DEUP1: variants seen among roughly 807,000 people sequenced by gnomAD.
DEUP1 encodes the protein coiled-coil domain containing 67.
A neutral mutation model predicts 87.4 loss-of-function variants in DEUP1; 82 were observed. That is an observed-to-expected ratio of 0.94 (90% confidence interval 0.78 to 1.13). The LOEUF is 1.13. Among genes scored for constraint, DEUP1 ranks in the 50% most tolerant of loss-of-function variants. The pLI, the probability that DEUP1 is intolerant of heterozygous loss-of-function variation, is 0.00. For synonymous variants in DEUP1, 214 were observed against 222.7 expected (o/e 0.96, Z 0.35); for missense variants, 663 against 681.5 (o/e 0.97, Z 0.30).
At chr11:93,365,623 T>G (rs1296156044) in intron 5 of DEUP1, among the ~76,000 whole-genome samples, 1 of 152,210 alleles carries the variant, frequency 6.6e-6, no homozygotes, top group Non-Finnish European at 1.5e-5. Flanking sequence ...ACTTTGTGTA[T>G]GCACATTTTA....
At chr11:93,408,627 G>A (rs191060976) in intron 12 of DEUP1, among the ~76,000 whole-genome samples, 200 bp downstream of exon 12, 2 of 152,262 alleles carry the variant, frequency 1.3e-5, no homozygotes, top group East Asian at 3.9e-4. Flanking sequence ...TGCGTGGAGT[G>A]TTACAGTGGA....
intron 5 of DEUP1, among the ~76,000 whole-genome samples, chr11:93,368,213 G>T (rs1314414754): frequency 6.6e-6 from 1 of 152,206 alleles, no homozygotes; most frequent in African/African-American, 2.4e-5. Context: ...ATGAGGCCTG[G>T]CCATGGCCAC....
At chr11:93,370,017 T>G (rs1565312882) in intron 5 of DEUP1, 56 bp from the exon 6 acceptor site, 1 of 846,206 alleles carries the variant, frequency 1.2e-6, no homozygotes, top group African/African-American at 1.7e-5. Flanking sequence ...CCTTATTTGC[T>G]GTACTTTAAA....
chr11:93,358,166 T>C (rs1435624501), intron 4 of DEUP1, among the ~76,000 whole-genome samples: 1 of 152,224 alleles, frequency 6.6e-6, no homozygotes, highest in Admixed American at 6.5e-5. Flanking sequence ...CTAAGTTGTA[T>C]TTAACCAGTT....
chr11:93,349,464 G>C (rs1180866099), intron 2 of DEUP1, among the ~76,000 whole-genome samples: 1 of 151,990 alleles, frequency 6.6e-6, no homozygotes, highest in Admixed American at 6.6e-5. Flanking sequence ...TCTCCATCTG[G>C]TTAAATAAAA....
chr11:93,337,128 T>C (rs12790059), intron 2 of DEUP1, among the ~76,000 whole-genome samples: 50,750 of 152,082 alleles, frequency 0.33, 8,889 homozygotes, highest in Non-Finnish European at 0.4. Context: ...AAAGTCATTA[T>C]TTTCAAAGAA....
intron 11 of DEUP1, among the ~76,000 whole-genome samples, chr11:93,407,892 C>T (rs3020076): frequency 0.8 from 120,802 of 150,608 alleles, 48,576 homozygotes; most frequent in East Asian, 0.89. Context: ...GCAATTACTT[C>T]TGCACCAACC....
intron 7 of DEUP1, among the ~76,000 whole-genome samples, chr11:93,375,366 T>C (rs927882547): frequency 6.6e-6 from 1 of 152,214 alleles, no homozygotes; most frequent in Non-Finnish European, 1.5e-5. Context: ...CCTTGTCTTC[T>C]TCCAGTTCTC....
chr11:93,417,717 C>T (rs1280956790), intron 13 of DEUP1, among the ~76,000 whole-genome samples: 3 of 146,282 alleles, frequency 2.1e-5, no homozygotes, highest in South Asian at 2.2e-4. Flanking sequence ...GAGCCCTCAT[C>T]GCCAAGTCAA....
At chr11:93,353,748 C>G (rs1233040843) in intron 2 of DEUP1, among the ~76,000 whole-genome samples, 1 of 152,234 alleles carries the variant, frequency 6.6e-6, no homozygotes, top group Non-Finnish European at 1.5e-5. Flanking sequence ...AGCCCAAGCT[C>G]TACATTGGCC....
intron 13 of DEUP1, among the ~76,000 whole-genome samples, chr11:93,419,060 A>C (rs1210572475): frequency 6.6e-6 from 1 of 151,498 alleles, no homozygotes; most frequent in African/African-American, 2.4e-5. Flanking sequence ...GAGGGATAGC[A>C]TTGGGAGATA....
At chr11:93,403,239 G>C (rs1947176786) in intron 11 of DEUP1, among the ~76,000 whole-genome samples, 1 of 151,798 alleles carries the variant, frequency 6.6e-6, no homozygotes, top group South Asian at 2.1e-4. Context: ...TATAAATTGA[G>C]AACTTTATGA....
intron 2 of DEUP1, chr11:93,352,200 C>A (rs995516640): frequency 7.1e-6 from 4 of 564,930 alleles, no homozygotes; most frequent in Non-Finnish European, 1.3e-5. Context: ...TCCCTCCTGT[C>A]CTCCTCCCAG....
intron 13 of DEUP1, among the ~76,000 whole-genome samples, chr11:93,432,765 G>C (rs1948142217): frequency 6.6e-6 from 1 of 152,176 alleles, no homozygotes; most frequent in African/African-American, 2.4e-5. Context: ...ATAGTGAAAA[G>C]TAAAGAGTCT....
intron 13 of DEUP1, among the ~76,000 whole-genome samples, chr11:93,416,358 C>T (rs1225919100): frequency 1.3e-5 from 2 of 151,972 alleles, no homozygotes; most frequent in African/African-American, 2.4e-5. Flanking sequence ...ATATCACCAC[C>T]GATCCCACAG....
At chr11:93,393,071 TCTTCTCTTCCTCC>T (rs1565330822) in intron 9 of DEUP1, among the ~76,000 whole-genome samples, 7 of 132,132 alleles carry the variant, frequency 5.3e-5, no homozygotes, top group African/African-American at 2.1e-4. Flanking sequence ...TCCTCCTTCT[TCTTCTCTTCCTCC>T]TTCTTTTTTT....
intron 13 of DEUP1, among the ~76,000 whole-genome samples, chr11:93,430,808 T>C (rs953480113): frequency 4.6e-5 from 7 of 151,822 alleles, no homozygotes; most frequent in Non-Finnish European, 1.0e-4. Flanking sequence ...AATAAGAAAA[T>C]ATCAAGGCCA....
At chr11:93,336,738 G>A (rs1943785400) in intron 2 of DEUP1, among the ~76,000 whole-genome samples, 1 of 152,112 alleles carries the variant, frequency 6.6e-6, no homozygotes. Flanking sequence ...ATGCCAGTGA[G>A]GAGATCTAGG....
intron 2 of DEUP1, among the ~76,000 whole-genome samples, chr11:93,348,740 C>G (rs142220323): frequency 7.2e-5 from 11 of 152,150 alleles, no homozygotes; most frequent in Non-Finnish European, 1.6e-4. Flanking sequence ...GTAAGCTAAT[C>G]CTGAATCCCA....
Sources: allele counts gnomAD v4.1 joint callset (sites outside exome capture counted in the v4.1 genomes callset), GRCh38; gene constraint gnomAD v4.1.1; transcripts MANE v1.5; gene names NCBI Gene and HGNC (gene_info 2026-07-23, HGNC 2026-07-21).